The following CD63 variants were observed in gnomAD, a reference collection of about 807,000 sequenced individuals.
The protein encoded by CD63 is CD63 antigen.
A neutral mutation model predicts 29.2 loss-of-function variants in CD63; 16 were observed. The ratio of observed to expected loss-of-function variants is 0.55; its 90% confidence interval spans 0.37 to 0.83. The LOEUF (loss-of-function observed/expected upper bound fraction) is 0.83, where lower values mean the gene tolerates loss of function less well. Ranked by LOEUF, CD63 falls within the 40% of genes least tolerant of loss-of-function variation. The pLI is 0.00. For missense variants in CD63, 251 were observed against 297.3 expected, an observed-to-expected ratio of 0.84 and a Z score of 1.15; for synonymous variants, 118 against 111.7, an observed-to-expected ratio of 1.06 and a Z score of -0.36.
Position 55,726,192 on chromosome 12 carries a change from G to C in CD63, c.496C>G (p.Pro166Ala). The change falls in exon 6 of 8, where the codon CCC becomes GCC. Residue 166 changes from proline (P) to alanine (A), a missense_variant. Coordinates refer to ENST00000257857, the MANE Select transcript of CD63 (RefSeq NM_001780.6). ...KIPSMSKNRV[P>A]DSCCINVTVG... ...GTAACATTAATGCAGCAGGAGTCGG[G>C]GACTCGGTTCTTCGACATGGAAGGG... 6.2e-7 allele frequency: 1 copy of C among 1,613,884 alleles called. No individual in the cohort carries two copies.
chr12:55,725,048 G>C (rs1212020071), downstream of CD63, among the ~76,000 whole-genome samples: 2 of 152,154 alleles, frequency 1.3e-5, no homozygotes, highest in Non-Finnish European at 2.9e-5. Context: ...TGACCACACA[G>C]GTGTCAAGGC....
At chr12:55,723,728 C>T (rs1565655443), downstream of CD63, 2 of 793,436 alleles carry the variant, frequency 2.5e-6, no homozygotes, top group South Asian at 3.0e-5. Context: ...ACTTTCCTCC[C>T]TCTACCCCAC....
chr12:55,726,599 C>T, intron 5 of CD63, 101 bp downstream of exon 5: 1 of 933,494 alleles, frequency 1.1e-6, no homozygotes, highest in Middle Eastern at 3.2e-4. Context: ...CCCACCTCGG[C>T]CTTCAAAAGT....
Position 55,728,764 on chromosome 12 carries a change from A to T in CD63, c.-12+189T>A, listed in dbSNP as rs2136156114. On this transcript the variant is annotated intron_variant, in intron 1 of 7. Transcript: ENST00000257857. The surrounding 1 kb of genome is among the most constrained non-coding windows in gnomAD (Gnocchi z 4.8). ...CTCTGACCTCCCCGCCCACCAAAAA[A>T]AAAAAAAGTGCAGCCAGCACCCCCG... 1.0e-6 allele frequency: 1 copy of T among 992,190 alleles called. No homozygotes were observed. Among genetic ancestry groups the T allele is most frequent in the African/African-American group, 1.7e-5 (1 of 57,262 alleles). 61.5% of individuals were successfully genotyped at this position (992,190 alleles called of 1,614,324 possible). A position where few individuals can be genotyped will look rare whatever the true frequency, so the allele number is the denominator to read the frequency against.
At chr12:55,724,132 G>A (rs1592524823), downstream of CD63, 9 of 1,538,696 alleles carry the variant, frequency 5.8e-6, no homozygotes, top group South Asian at 8.2e-5. Flanking sequence ...GCTAGGAGGT[G>A]GGTGGGGCAC....
chr12:55,726,051 C>T (rs1416314481), intron 6 of CD63, 70 bp downstream of exon 6: 2 of 1,568,452 alleles, frequency 1.3e-6, no homozygotes, highest in East Asian at 2.2e-5. Context: ...TGTCCACCTC[C>T]ATCCTGGGTC....
intron 5 of CD63, 66 bp from the exon 6 acceptor site, chr12:55,726,327 G>C (rs1371726670): frequency 2.5e-5 from 14 of 553,404 alleles, no homozygotes; most frequent in Middle Eastern, 4.4e-4. Context: ...ATATGGAGAT[G>C]AGAATTCTTT....
In CD63 at chr12:55,726,265, G is replaced by A. The variant is rs1406299370; in HGVS notation, c.427-4C>T. ...TAGCAGCCCCACAGCACTTAAACTGGGGGAGGGAAGAAATATGGAGAAGAA... is the reference window on the plus strand; with the variant it reads ...TAGCAGCCCCACAGCACTTAAACTGAGGGAGGGAAGAAATATGGAGAAGAA... On this transcript the variant is annotated splice_region_variant and splice_polypyrimidine_tract_variant and intron_variant, in intron 5 of 7. Transcript: ENST00000257857. The A allele has an allele frequency of 1.2e-6, 2 of 1,613,232 alleles. No individual in the cohort carries two copies. The highest frequency in any genetic ancestry group is 1.7e-6 in the Non-Finnish European group (2 of 1,179,564).
chr12:55,726,146 A>G lies in CD63; in HGVS notation c.542T>C (p.Phe181Ser). The change falls in exon 6 of 8, where the codon TTC (phenylalanine) becomes TCC (serine). Residue 181 changes from phenylalanine (F) to serine (S), a missense_variant. Coordinates refer to ENST00000257857, the MANE Select transcript of CD63 (RefSeq NM_001780.6). Reference protein sequence around the residue: ...INVTVGCGINFNEKAIHKEGC... With the variant: ...INVTVGCGINSNEKAIHKEGC... ...CTCCTTATGGATCGCCTTCTCGTTGAAATTAATCCCACAGCCCACAGTAAC... is the reference window on the plus strand; with the variant it reads ...CTCCTTATGGATCGCCTTCTCGTTGGAATTAATCCCACAGCCCACAGTAAC... 6.2e-7 allele frequency: 1 copy of G among 1,614,000 alleles called. No homozygotes were observed.
At chr12:55,727,985 G>T in intron 2 of CD63, 1 of 1,177,050 alleles carries the variant, frequency 8.5e-7, no homozygotes, top group Non-Finnish European at 1.1e-6. Context: ...TCAGGCGGTT[G>T]GCTGGTTGCC....
chr12:55,728,682 C>G lies in CD63; in HGVS notation c.-12+271G>C, dbSNP rs1877695560. The stretch of plus-strand genomic sequence containing the variant: ...ACCCTTTCCCCACCCAACACCCAGC[C>G]TGGAGAAACGGTCTTCAGCCCAACC... On this transcript the variant is annotated intron_variant, in intron 1 of 7. Transcript: ENST00000257857. This position sits in a 1 kb window ranked among gnomAD's most constrained non-coding sequence, Gnocchi z 4.8. 1.7e-6 allele frequency: 2 copies of G among 1,167,910 alleles called. No homozygotes were observed. Among genetic ancestry groups the G allele is most frequent in the Middle Eastern group, 3.6e-4 (1 of 2,744 alleles). The allele number at this position is 1,167,910 out of a possible 1,614,324, so 72.3% of individuals were successfully genotyped here.
chr12:55,724,280 G>A, downstream of CD63: 2 of 1,606,472 alleles, frequency 1.2e-6, no homozygotes, highest in Non-Finnish European at 1.7e-6. Context: ...ATGGGCTGGA[G>A]TGAGGAAGGG....
chr12:55,725,256 C>T, downstream of CD63: 1 of 437,790 alleles, frequency 2.3e-6, no homozygotes, highest in Non-Finnish European at 4.2e-6. Flanking sequence ...GTGAGCCTGG[C>T]AGCATAAGAC....
At chr12:55,725,073 C>T (rs1013106501), downstream of CD63, among the ~76,000 whole-genome samples, 10 of 152,206 alleles carry the variant, frequency 6.6e-5, no homozygotes, top group Admixed American at 3.9e-4. Flanking sequence ...TATCATACTT[C>T]GAAAGGAGCT....
At chr12:55,727,615 G>A in intron 2 of CD63, 1 of 1,212,718 alleles carries the variant, frequency 8.2e-7, no homozygotes, top group East Asian at 3.9e-5. Flanking sequence ...TTCTGACCTA[G>A]AATAATGCTT....
chr12:55,728,296 C>CG lies in CD63; in HGVS notation c.45dup (p.Val16ArgfsTer93). ...CTCACGCAAAAGGCCAGCAGGAGGA[C>CG]GTAGAGCAAGAACTTCACACATTTC... On this transcript the variant is annotated frameshift_variant, in exon 2 of 8. Coordinates refer to ENST00000257857, the MANE Select transcript of CD63 (RefSeq NM_001780.6). LOFTEE classifies it high-confidence loss of function. The surrounding 1 kb of genome is among the most constrained non-coding windows in gnomAD (Gnocchi z 4.8). 6.2e-7 allele frequency: 1 copy of CG among 1,611,196 alleles called. No individual in the cohort carries two copies. Among genetic ancestry groups the CG allele is most frequent in the Non-Finnish European group, 8.5e-7 (1 of 1,179,150 alleles).
At position 55,726,228 on chromosome 12, in the gene CD63, A is replaced by C; in HGVS notation, c.460T>G (p.Trp154Gly). The C allele has an allele frequency of 6.2e-7, 1 of 1,613,806 alleles. No homozygotes were observed. The highest frequency in any genetic ancestry group is 8.5e-7 in the Non-Finnish European group (1 of 1,179,956). ...TTCGACATGGAAGGGATTTTCTCCC[A>C]ATCTGTGTAGTTAGCAGCCCCACAG... The part of the protein sequence containing the change: ...KCCGAANYTD[W>G]EKIPSMSKNR... Residue 154 changes from tryptophan (W) to glycine (G), a missense_variant, in exon 6 of 8, where the codon TGG becomes GGG. Transcript: ENST00000257857.
At chr12:55,727,665 G>A (rs3138132) in intron 2 of CD63, 1 of 1,096,710 alleles carries the variant, frequency 9.1e-7, no homozygotes, top group Admixed American at 5.0e-5. Flanking sequence ...TTCTCTCCCA[G>A]AACTGCCCCC....
At position 55,728,362 on chromosome 12, in the gene CD63, A is replaced by G. The variant is rs1278628629; in HGVS notation, c.-11-10T>C. On this transcript the variant is annotated splice_polypyrimidine_tract_variant and intron_variant, in intron 1 of 7. Transcript: ENST00000257857. This position sits in a 1 kb window ranked among gnomAD's most constrained non-coding sequence, Gnocchi z 4.8. Reference sequence around the variant, plus strand: ...GCCATGGCTGCCGGGCCTGGGGCAGAGGGGAGGGCGGGGGGATTAAAACTG... The same window carrying G: ...GCCATGGCTGCCGGGCCTGGGGCAGGGGGGAGGGCGGGGGGATTAAAACTG... The G allele has an allele frequency of 6.2e-7, 1 of 1,605,582 alleles. No individual in the cohort carries two copies. Among genetic ancestry groups the G allele is most frequent in the South Asian group, 1.1e-5 (1 of 89,422 alleles).
Sources: gnomAD v4.1 joint callset for allele counts (sites outside exome capture counted in the v4.1 genomes callset) on GRCh38, gnomAD v4.1.1 for gene constraint, Gnocchi (gnomAD v3.1) non-coding constraint, MANE v1.5 for transcripts, NCBI Gene and HGNC (gene_info 2026-07-23, HGNC 2026-07-21) for gene names.